Variants in DHX15 observed in about 807,000 individuals in gnomAD.
DHX15 encodes ATP-dependent RNA helicase DHX15.
A neutral mutation model predicts 94.4 loss-of-function variants in DHX15; 11 were observed. The ratio of observed to expected loss-of-function variants is 0.12; its 90% CI spans 0.07 to 0.19. The LOEUF (loss-of-function observed/expected upper bound fraction) is 0.19, where lower values mean the gene tolerates loss of function less well. DHX15 is among the 10% of genes least tolerant of loss of function. The probability of loss-of-function intolerance (pLI) is 1.00; values close to 1 mark genes in which losing one functional copy is unlikely to be tolerated. For missense variants in DHX15, 304 were observed against 988.5 expected (o/e 0.31, Z 9.29); for synonymous variants, 338 against 329.9 (o/e 1.02, Z -0.27).
intron 3 of DHX15, among the ~76,000 whole-genome samples, chr4:24,560,217 G>T (rs1024586040): frequency 1.3e-5 from 2 of 151,104 alleles, no homozygotes; most frequent in African/African-American, 4.9e-5. Context: ...TTATATTTTT[G>T]TATTTATATA....
chr4:24,576,923 CAAG>C (rs1235176866), intron 1 of DHX15, among the ~76,000 whole-genome samples: 4 of 152,146 alleles, frequency 2.6e-5, no homozygotes, highest in Non-Finnish European at 4.4e-5. Flanking sequence ...TGAGGTAACA[CAAG>C]AACTCAGTCT....
rs544744861 is a variant in DHX15, at chr4:24,550,747, G to A, written c.1081-1725C>T. 1.1e-4 allele frequency among the ~76,000 whole-genome samples: 16 copies of A among 152,226 alleles called. No homozygotes were observed. In the South Asian group the frequency reaches 1.9e-3, roughly 18 times the overall value. On this transcript the variant is annotated intron_variant, in intron 5 of 13. Transcript: ENST00000336812. ...GTTTTACAGTTAACATTTTTAAGTC[G>A]AAGGAGAACACTCTAAAATAATGAT...
chr4:24,576,137 G>T, intron 2 of DHX15, 106 bp downstream of exon 2: 1 of 854,514 alleles, frequency 1.2e-6, no homozygotes, highest in Non-Finnish European at 1.8e-6. Context: ...TATTCTTCAA[G>T]ATGTTCTATA....
intron 1 of DHX15, among the ~76,000 whole-genome samples, chr4:24,580,449 A>C (rs1722385301): frequency 6.6e-6 from 1 of 152,128 alleles, no homozygotes; most frequent in African/African-American, 2.4e-5. Context: ...ACAGGCACTG[A>C]AGTACTGCTA....
intron 11 of DHX15, among the ~76,000 whole-genome samples, chr4:24,534,998 A>G (rs1041672428): frequency 2.0e-5 from 3 of 151,054 alleles, no homozygotes; most frequent in African/African-American, 7.3e-5. Context: ...AAAAGGTGGC[A>G]ATCAGTGATT....
intron 6 of DHX15, among the ~76,000 whole-genome samples, chr4:24,548,395 G>A (rs766022723): frequency 1.3e-5 from 2 of 151,726 alleles, no homozygotes; most frequent in Admixed American, 6.6e-5. Context: ...CACCCACTTC[G>A]GCCTCCCAAA....
chr4:24,544,640 A>C (rs1314271858), intron 6 of DHX15, among the ~76,000 whole-genome samples: 6 of 152,222 alleles, frequency 3.9e-5, no homozygotes, highest in Non-Finnish European at 5.9e-5. Flanking sequence ...GTAGTTAAAG[A>C]AGCGATGAAT....
chr4:24,560,659 ATCTAAT>A (rs1316309395), intron 3 of DHX15, among the ~76,000 whole-genome samples: 1 of 152,172 alleles, frequency 6.6e-6, no homozygotes, highest in African/African-American at 2.4e-5. Context: ...ATGATGAAAC[ATCTAAT>A]TCTATCAATT....
chr4:24,584,455 C>A lies in DHX15; in HGVS notation c.-62G>T. On this transcript the variant is annotated 5_prime_UTR_variant, in exon 1 of 14. Coordinates refer to ENST00000336812, the MANE Select transcript of DHX15 (RefSeq NM_001358.3). ...AAGCTGGCTGCTGTATGGGCACAGT[C>A]GAGGACAGCCACTTAACTCTGGAGG... 9.9e-6 allele frequency: 15 copies of A among 1,516,874 alleles called. No homozygotes were observed. Among genetic ancestry groups the A allele is most frequent in the Non-Finnish European group, 1.3e-5 (14 of 1,111,780 alleles). 94.0% of individuals were successfully genotyped at this position (1,516,874 alleles called of 1,614,324 possible).
At chr4:24,529,981 C>A in intron 12 of DHX15, 8 of 566,806 alleles carry the variant, frequency 1.4e-5, no homozygotes, top group East Asian at 6.0e-5. Context: ...GTCTGTGAAT[C>A]CAAAATGGTT....
intron 3 of DHX15, among the ~76,000 whole-genome samples, chr4:24,565,439 T>C (rs1453666141): frequency 6.6e-6 from 1 of 152,238 alleles, no homozygotes; most frequent in Non-Finnish European, 1.5e-5. Flanking sequence ...TACCCTTACC[T>C]AACTTATGTG....
intron 3 of DHX15, among the ~76,000 whole-genome samples, chr4:24,562,154 A>AAAAAC (rs1721888039): frequency 6.7e-6 from 1 of 150,088 alleles, no homozygotes; most frequent in Admixed American, 6.6e-5. Flanking sequence ...AAAAAAAAAA[A>AAAAAC]ATCTGTACAC....
chr4:24,572,317 G>C (rs1173043180), intron 2 of DHX15, among the ~76,000 whole-genome samples: 1 of 152,056 alleles, frequency 6.6e-6, no homozygotes. Flanking sequence ...TGTATTTTTA[G>C]TAGAGACAGG....
rs554768756 is a variant in DHX15 at position 24,533,649 on chromosome 4, A to C, written c.1910-595T>G. 8 of 154,002 alleles carry C rather than the reference A, an allele frequency of 5.2e-5. No individual in the cohort carries two copies. The South Asian group carries it at 1.4e-3, about 27-fold the overall frequency. The allele number at this position is 154,002 out of a possible 1,614,324, so 9.5% of individuals were successfully genotyped here. A position where few individuals can be genotyped will look rare whatever the true frequency, so the allele number is the denominator to read the frequency against. ...TCTAAGCACTTCAAGTAATTTTATT[A>C]CATGTATTATCAAAAGGATATTTCT... On this transcript the variant is annotated intron_variant, in intron 11 of 13. Transcript: ENST00000336812.
At chr4:24,545,114 T>A (rs1721395759) in intron 6 of DHX15, among the ~76,000 whole-genome samples, 14 of 152,114 alleles carry the variant, frequency 9.2e-5, no homozygotes, top group Admixed American at 9.2e-4. Context: ...CTATCTCAAA[T>A]CTATACAGAA....
intron 6 of DHX15, among the ~76,000 whole-genome samples, chr4:24,543,256 C>T (rs1165103313): frequency 1.3e-5 from 2 of 152,114 alleles, no homozygotes; most frequent in African/African-American, 4.8e-5. Context: ...AAAGCTATTA[C>T]TTCAGGTTAT....
At chr4:24,582,713 G>A (rs1560778867) in intron 1 of DHX15, among the ~76,000 whole-genome samples, 3 of 152,162 alleles carry the variant, frequency 2.0e-5, no homozygotes, top group South Asian at 2.1e-4. Flanking sequence ...CTGTAAACTT[G>A]CACAAGCCAC....
At chr4:24,551,028 G>A (rs1319842907) in intron 5 of DHX15, among the ~76,000 whole-genome samples, 2 of 152,110 alleles carry the variant, frequency 1.3e-5, no homozygotes, top group Non-Finnish European at 2.9e-5. Context: ...TGACCAAAAC[G>A]TTGTTATGTG....
chr4:24,567,528 G>C (rs1722018662), intron 3 of DHX15, among the ~76,000 whole-genome samples: 2 of 150,300 alleles, frequency 1.3e-5, no homozygotes, highest in African/African-American at 2.5e-5. Context: ...AGTGAGCCGA[G>C]ATCGTGCCAC....
Sources: gnomAD v4.1 joint callset for allele counts (sites outside exome capture counted in the v4.1 genomes callset) on GRCh38, gnomAD v4.1.1 for gene constraint, MANE v1.5 for transcripts, NCBI Gene and HGNC (gene_info 2026-07-23, HGNC 2026-07-21) for gene names.